The following ARHGAP20 variants were observed in gnomAD, a reference collection of about 807,000 sequenced individuals.
The protein encoded by ARHGAP20 is Rho GTPase activating protein 20.
A neutral mutation model predicts 73.7 loss-of-function variants in ARHGAP20; 34 were observed. The ratio of observed to expected loss-of-function variants is 0.46; its 90% CI spans 0.35 to 0.61. The LOEUF is 0.61. ARHGAP20 is among the 20% of genes least tolerant of loss of function. The pLI, the probability that ARHGAP20 is intolerant of heterozygous loss-of-function variation, is 0.00. For synonymous variants in ARHGAP20, 523 were observed against 518.2 expected, an observed-to-expected ratio of 1.01 and a Z score of -0.13; for missense variants, 1,314 against 1,420.9, an observed-to-expected ratio of 0.92 and a Z score of 1.21.
intron 4 of ARHGAP20, among the ~76,000 whole-genome samples, chr11:110,618,048 T>C (rs1013021870): frequency 6.6e-6 from 1 of 151,934 alleles, no homozygotes. Context: ...GGAGGCTGGG[T>C]CCTAGGCACC....
At chr11:110,647,886 C>T (rs1041818146) in intron 2 of ARHGAP20, among the ~76,000 whole-genome samples, 1 of 151,730 alleles carries the variant, frequency 6.6e-6, no homozygotes, top group African/African-American at 2.4e-5. Context: ...AAGGATCTCC[C>T]GTCTGAGAAT....
At chr11:110,683,748 G>A (rs907179973) in intron 2 of ARHGAP20, among the ~76,000 whole-genome samples, 1 of 152,120 alleles carries the variant, frequency 6.6e-6, no homozygotes, top group Non-Finnish European at 1.5e-5. Flanking sequence ...CACAGATGAG[G>A]AAACTGAGGC....
chr11:110,633,387 T>A (rs1018457715), intron 2 of ARHGAP20, among the ~76,000 whole-genome samples: 11 of 152,216 alleles, frequency 7.2e-5, no homozygotes, highest in Non-Finnish European at 1.3e-4. Flanking sequence ...GATTTATTGA[T>A]TCTTATGCTA....
At position 110,592,061 on chromosome 11, in the gene ARHGAP20, C is replaced by T. The variant is rs374122138; in HGVS notation, c.1059G>A (p.Ser353=). The change falls in exon 10 of 15, where the codon TCG becomes TCA. Residue 353 remains serine, a synonymous_variant. Transcript: ENST00000683387. ...GCTGTCCTGGCATAGGTGATGTTGG[C>T]GATGAGGGCAAGTTGTCCAGGTGAG... is the stretch of plus-strand genomic sequence containing the variant. ...SSTHLDNLPS[S]PTSPMPGQLF... is the part of the protein sequence containing the mutation. The T allele has an allele frequency of 1.7e-5, 27 of 1,613,952 alleles. No individual in the cohort carries two copies. Among genetic ancestry groups the T allele is most frequent in the African/African-American group, 2.7e-5 (2 of 74,896 alleles).
chr11:110,605,554 G>A (rs1405546952), intron 9 of ARHGAP20, among the ~76,000 whole-genome samples: 5 of 152,126 alleles, frequency 3.3e-5, no homozygotes, highest in Admixed American at 1.3e-4. Flanking sequence ...GATTTAATTC[G>A]TTTTCTCTAA....
intron 10 of ARHGAP20, 25 bp downstream of exon 10, chr11:110,591,952 G>A: frequency 1.9e-6 from 3 of 1,611,574 alleles, no homozygotes; most frequent in Non-Finnish European, 2.5e-6. Flanking sequence ...TTTCCCATCA[G>A]TTTACAGACC....
chr11:110,581,539 C>CA (rs1358495177), intron 14 of ARHGAP20, among the ~76,000 whole-genome samples: 1 of 152,194 alleles, frequency 6.6e-6, no homozygotes, highest in African/African-American at 2.4e-5. Context: ...TATCCAGATT[C>CA]TGAGTAAGAC....
In ARHGAP20 at chr11:110,580,226, A is replaced by G; in HGVS notation, c.2720T>C (p.Ile907Thr). ...KLINQSLVMG[I>T]EVGKSSATNQ... ...TGTGGCACTACTCTTGCCCACCTCA[A>G]TCCCCATGACTAAACTCTGATTAAT... Residue 907 changes from isoleucine (I) to threonine (T), a missense_variant, in exon 15 of 15, where the codon ATT becomes ACT. By Grantham distance (89) the Ile-to-Thr change is moderately conservative. This residue lies in a region of ARHGAP20 where 641 missense variants were observed against 636.9 expected (regional missense o/e 1.01). Coordinates refer to ENST00000683387, the MANE Select transcript of ARHGAP20 (RefSeq NM_001384657.1). 1 of 1,614,190 alleles carries G rather than the reference A, an allele frequency of 6.2e-7. No individual in the cohort carries two copies. The highest frequency in any genetic ancestry group is 1.7e-5 in the Admixed American group (1 of 60,034).
intron 2 of ARHGAP20, among the ~76,000 whole-genome samples, chr11:110,657,461 T>C (rs1324852113): frequency 2.0e-5 from 3 of 151,588 alleles, no homozygotes; most frequent in Non-Finnish European, 4.4e-5. Context: ...TGGGAGAAGC[T>C]TGAAGAGGAA....
chr11:110,594,384 G>C (rs140180453), intron 9 of ARHGAP20, among the ~76,000 whole-genome samples: 1 of 152,112 alleles, frequency 6.6e-6, no homozygotes. Flanking sequence ...ATATGAATTA[G>C]CCCTCAAAGG....
At chr11:110,599,416 C>G (rs1028139533) in intron 9 of ARHGAP20, among the ~76,000 whole-genome samples, 9 of 152,228 alleles carry the variant, frequency 5.9e-5, no homozygotes, top group South Asian at 4.1e-4. Context: ...TGGGTGCCAA[C>G]AAGCATAGGA....
chr11:110,692,497 G>C (rs1158544873), intron 1 of ARHGAP20, among the ~76,000 whole-genome samples: 2 of 152,044 alleles, frequency 1.3e-5, no homozygotes, highest in African/African-American at 2.4e-5. Context: ...CCCTCTGTCT[G>C]CTTTGACCTT....
At chr11:110,684,835 T>C (rs928449794) in intron 2 of ARHGAP20, among the ~76,000 whole-genome samples, 1 of 151,696 alleles carries the variant, frequency 6.6e-6, no homozygotes, top group Non-Finnish European at 1.5e-5. Flanking sequence ...GAAAACCCAA[T>C]ACTGTATGTT....
intron 3 of ARHGAP20, among the ~76,000 whole-genome samples, chr11:110,629,000 C>T (rs548369668): frequency 7.3e-4 from 111 of 152,232 alleles, no homozygotes; most frequent in African/African-American, 2.5e-3. Context: ...AACAAAGGTC[C>T]TCTATTCTAG....
intron 12 of ARHGAP20, among the ~76,000 whole-genome samples, chr11:110,584,630 G>GTT (rs1169073009): frequency 6.6e-6 from 1 of 151,888 alleles, no homozygotes; most frequent in African/African-American, 2.4e-5. Flanking sequence ...AAGCTTTTGG[G>GTT]TTTTCTGCTT....
chr11:110,613,422 G>A (rs531406266), intron 6 of ARHGAP20, among the ~76,000 whole-genome samples: 2 of 152,284 alleles, frequency 1.3e-5, no homozygotes, highest in African/African-American at 2.4e-5. Flanking sequence ...GACAGAGTAC[G>A]TCACATCATC....
intron 7 of ARHGAP20, 76 bp from the exon 8 acceptor site, chr11:110,609,126 T>G: frequency 8.4e-7 from 1 of 1,185,716 alleles, no homozygotes; most frequent in Non-Finnish European, 1.2e-6. Context: ...TTTTTTTTTT[T>G]TGGTTATGTG....
At chr11:110,659,910 G>C (rs532162599) in intron 2 of ARHGAP20, among the ~76,000 whole-genome samples, 1 of 151,676 alleles carries the variant, frequency 6.6e-6, no homozygotes, top group Non-Finnish European at 1.5e-5. Context: ...GTTGTGGGGT[G>C]GGGGGAGTGG....
intron 4 of ARHGAP20, among the ~76,000 whole-genome samples, chr11:110,622,185 C>T (rs1948644038): frequency 6.6e-6 from 1 of 152,134 alleles, no homozygotes; most frequent in African/African-American, 2.4e-5. Flanking sequence ...TTTTAGTTGT[C>T]CTACACCATG....
Sources: gnomAD v4.1 joint callset for allele counts (sites outside exome capture counted in the v4.1 genomes callset) on GRCh38, gnomAD v4.1.1 for gene constraint, gnomAD v4.1.1 regional missense constraint, MANE v1.5 for transcripts, NCBI Gene and HGNC (gene_info 2026-07-23, HGNC 2026-07-21) for gene names.